Variants in KIAA1328 observed in about 807,000 individuals in gnomAD.
KIAA1328 encodes the protein KIAA1328, also known as protein hinderin.
A neutral mutation model predicts 68.1 loss-of-function variants in KIAA1328; 52 were observed. That is an observed-to-expected ratio of 0.76 (90% CI 0.61 to 0.96). The LOEUF is 0.96. Ranked by LOEUF, KIAA1328 falls within the 40% of genes least tolerant of loss-of-function variation. The pLI, the probability that KIAA1328 is intolerant of heterozygous loss-of-function variation, is 0.00. For missense variants in KIAA1328, 641 were observed against 677.6 expected, an observed-to-expected ratio of 0.95 and a Z score of 0.60; for synonymous variants, 232 against 239.4, an observed-to-expected ratio of 0.97 and a Z score of 0.28.
chr18:37,081,781 C>G (rs548446021), intron 7 of KIAA1328, among the ~76,000 whole-genome samples: 1 of 152,152 alleles, frequency 6.6e-6, no homozygotes, highest in Non-Finnish European at 1.5e-5. Context: ...TCAAGCCATA[C>G]CTTTTCCTCC....
At chr18:37,084,372 G>A in intron 7 of KIAA1328, 1 of 369,846 alleles carries the variant, frequency 2.7e-6, no homozygotes, top group South Asian at 1.4e-4. Flanking sequence ...ATACAATTTT[G>A]AAAAATATAG....
chr18:37,127,705 A>C (rs1004753729), intron 7 of KIAA1328, among the ~76,000 whole-genome samples: 8 of 152,212 alleles, frequency 5.3e-5, no homozygotes, highest in African/African-American at 1.9e-4. Context: ...ACTCCTGGCA[A>C]GCTTTTTACA....
intron 5 of KIAA1328, among the ~76,000 whole-genome samples, chr18:36,957,354 T>C (rs188557828): frequency 4.6e-5 from 7 of 152,272 alleles, no homozygotes; most frequent in Admixed American, 4.6e-4. Context: ...AAGGGGAGAT[T>C]TGAAAATGTA....
chr18:36,889,047 GAA>G (rs1487222097), intron 5 of KIAA1328, among the ~76,000 whole-genome samples: 1 of 152,146 alleles, frequency 6.6e-6, no homozygotes, highest in Non-Finnish European at 1.5e-5. Flanking sequence ...TAGTAAAAAG[GAA>G]AAGATATTTT....
intron 7 of KIAA1328, among the ~76,000 whole-genome samples, chr18:37,116,897 G>A (rs1451161107): frequency 2.0e-5 from 3 of 152,088 alleles, no homozygotes; most frequent in Non-Finnish European, 2.9e-5. Flanking sequence ...GCAGCCAACA[G>A]ACATATGAAA....
chr18:36,870,688 T>C (rs370427365), intron 4 of KIAA1328, among the ~76,000 whole-genome samples: 24 of 152,230 alleles, frequency 1.6e-4, no homozygotes, highest in African/African-American at 5.3e-4. Context: ...GAAATTAACA[T>C]TGGTGCAGTA....
intron 6 of KIAA1328, among the ~76,000 whole-genome samples, chr18:37,036,777 T>C (rs763931224): frequency 3.3e-5 from 5 of 152,192 alleles, no homozygotes; most frequent in Non-Finnish European, 5.9e-5. Flanking sequence ...GAAGTCACAT[T>C]TTAGGACAGT....
At chr18:36,987,751 T>C (rs1055824690) in intron 6 of KIAA1328, among the ~76,000 whole-genome samples, 3 of 152,018 alleles carry the variant, frequency 2.0e-5, no homozygotes, top group East Asian at 3.9e-4. Flanking sequence ...TAGATACATA[T>C]GGCAAAACTT....
rs917618415 is a variant in KIAA1328 at position 37,223,691 on chromosome 18, C to T, written c.*1464C>T. The T allele has an allele frequency of 1.0e-6, 1 of 985,248 alleles. No individual in the cohort carries two copies. Among genetic ancestry groups the T allele is most frequent in the African/African-American group, 1.7e-5 (1 of 57,200 alleles). The allele number at this position is 985,248 out of a possible 1,614,324, so 61.0% of individuals were successfully genotyped here. ...GTCTGCGTGGCTTCCCTGAATTACT[C>T]TTTTAATTAAAACTAGATTATTTCA... On this transcript the variant is annotated 3_prime_UTR_variant, in exon 10 of 10. Transcript: ENST00000280020.
intron 6 of KIAA1328, among the ~76,000 whole-genome samples, chr18:37,024,623 C>G (rs141901383): frequency 6.7e-6 from 1 of 150,314 alleles, no homozygotes; most frequent in Non-Finnish European, 1.5e-5. Flanking sequence ...TGAGAACATG[C>G]GGTGTTTGGT....
intron 7 of KIAA1328, among the ~76,000 whole-genome samples, chr18:37,142,879 G>T (rs1185011031): frequency 1.3e-5 from 2 of 151,104 alleles, no homozygotes; most frequent in African/African-American, 4.9e-5. Flanking sequence ...GGGGAGAACT[G>T]ACACCCTAAA....
chr18:37,018,538 T>A (rs1262584416), intron 6 of KIAA1328, among the ~76,000 whole-genome samples: 1 of 152,174 alleles, frequency 6.6e-6, no homozygotes, highest in Non-Finnish European at 1.5e-5. Flanking sequence ...TTTTTTGAAC[T>A]GTTTCCTCAA....
intron 6 of KIAA1328, among the ~76,000 whole-genome samples, chr18:37,027,180 C>T (rs1421076500): frequency 1.3e-5 from 2 of 152,140 alleles, no homozygotes; most frequent in Admixed American, 1.3e-4. Context: ...AGGACCTCTT[C>T]AAGGAGAACT....
rs150965890 is a variant in KIAA1328, at chr18:36,977,541, C to T, written c.576+18106C>T. 7.5e-4 allele frequency among the ~76,000 whole-genome samples: 114 copies of T among 152,188 alleles called. 1 individual carries two copies. Among genetic ancestry groups the T allele is most frequent in the African/African-American group, 2.2e-3 (93 of 41,546 alleles). ...TTACATGTCTACTCTTACTTGGTGC[C>T]GTCTTTCTCAGATAATTTGTCTGAG... On this transcript the variant is annotated intron_variant, in intron 6 of 9. Coordinates refer to ENST00000280020, the MANE Select transcript of KIAA1328 (RefSeq NM_020776.3).
chr18:37,223,046 C>CTGGGGG lies in KIAA1328; in HGVS notation c.*819_*820insTGGGGG. The CTGGGGG allele has an allele frequency of 2.3e-6, 2 of 881,420 alleles. No individual in the cohort carries two copies. Among genetic ancestry groups the CTGGGGG allele is most frequent in the South Asian group, 5.4e-5 (1 of 18,484 alleles). 54.6% of individuals were successfully genotyped at this position (881,420 alleles called of 1,614,324 possible). A position where few individuals can be genotyped will look rare whatever the true frequency, so the allele number is the denominator to read the frequency against. ...TATTTACCCAAGTGTTCAGCTTATT[C>CTGGGGG]ACCCCACCCCCCCACCCCCCATCAC... On this transcript the variant is annotated 3_prime_UTR_variant, in exon 10 of 10. Coordinates refer to ENST00000280020, the MANE Select transcript of KIAA1328 (RefSeq NM_020776.3).
chr18:36,914,035 A>G lies in KIAA1328; in HGVS notation c.448+28363A>G, dbSNP rs1353299679. Among the ~76,000 whole-genome samples the G allele has an allele frequency of 2.0e-5, 3 of 152,108 alleles. No individual in the cohort carries two copies. The East Asian group carries it at 5.8e-4, about 29-fold the overall frequency. On this transcript the variant is annotated intron_variant, in intron 5 of 9. Coordinates refer to ENST00000280020, the MANE Select transcript of KIAA1328 (RefSeq NM_020776.3). ...TCATGTGGTAATCTCTGTAATCTAGATTGTCATCTTGTACCATCTAAGTGG... is the reference window on the plus strand; with the variant it reads ...TCATGTGGTAATCTCTGTAATCTAGGTTGTCATCTTGTACCATCTAAGTGG...
intron 6 of KIAA1328, among the ~76,000 whole-genome samples, chr18:37,041,165 G>A (rs1176656388): frequency 6.6e-6 from 1 of 151,788 alleles, no homozygotes; most frequent in Non-Finnish European, 1.5e-5. Context: ...ACTGATGCTT[G>A]TTATTATAAA....
chr18:36,968,705 C>T (rs1598849866), intron 6 of KIAA1328, among the ~76,000 whole-genome samples: 1 of 152,172 alleles, frequency 6.6e-6, no homozygotes, highest in East Asian at 1.9e-4. Context: ...TCAACACCCC[C>T]ACTGACAGTA....
chr18:36,893,216 T>G (rs2151006718), intron 5 of KIAA1328, among the ~76,000 whole-genome samples: 1 of 152,236 alleles, frequency 6.6e-6, no homozygotes, highest in South Asian at 2.1e-4. Context: ...CCTCACCCAC[T>G]CCAGTCCCGT....
Sources: allele counts gnomAD v4.1 joint callset (sites outside exome capture counted in the v4.1 genomes callset), GRCh38; gene constraint gnomAD v4.1.1; transcripts MANE v1.5; gene names NCBI Gene and HGNC (gene_info 2026-07-23, HGNC 2026-07-21).